The following RPL14 variants were observed in gnomAD, a reference collection of about 807,000 sequenced individuals.
RPL14 encodes large ribosomal subunit protein eL14.
RPL14 carries 4 observed loss-of-function variants against 25.3 expected under a neutral mutation model. The ratio of observed to expected loss-of-function variants is 0.16; its 90% CI spans 0.08 to 0.36. The LOEUF (loss-of-function observed/expected upper bound fraction) is 0.36. Ranked by LOEUF, RPL14 falls within the 10% of genes least tolerant of loss-of-function variation. The pLI, the probability that RPL14 is intolerant of heterozygous loss-of-function variation, is 1.00. For synonymous variants in RPL14, 75 were observed against 89.8 expected, an observed-to-expected ratio of 0.84 and a Z score of 0.93; for missense variants, 212 against 261.9, an observed-to-expected ratio of 0.81 and a Z score of 1.31.
intron 5 of RPL14, 31 bp from the exon 6 acceptor site, chr3:40,461,908 A>G (rs1346192716): frequency 1.9e-6 from 3 of 1,576,178 alleles, no homozygotes; most frequent in African/African-American, 1.4e-5. Flanking sequence ...TGTATACACA[A>G]TAAGTGCTTT....
In RPL14 at chr3:40,465,082, AAGG is replaced by A. The variant is rs1697009607; in HGVS notation, c.*2856_*2858del. 6.5e-6 allele frequency: 1 copy of A among 152,926 alleles called. No homozygotes were observed. Among genetic ancestry groups the A allele is most frequent in the African/African-American group, 2.4e-5 (1 of 41,450 alleles). 9.5% of individuals were successfully genotyped at this position (152,926 alleles called of 1,614,324 possible). A position where few individuals can be genotyped will look rare whatever the true frequency, so the allele number is the denominator to read the frequency against. On this transcript the variant is annotated 3_prime_UTR_variant, in exon 6 of 6. Coordinates refer to ENST00000396203, the MANE Select transcript of RPL14 (RefSeq NM_001034996.3). ...TTGGTAAGAGCTGTGATAATGACAC[AAGG>A]AGGAGAGGTTTCAGGACAGACTTGG...
At chr3:40,458,985 G>A in intron 3 of RPL14, 1 of 414,616 alleles carries the variant, frequency 2.4e-6, no homozygotes, top group Non-Finnish European at 4.4e-6. Context: ...GACCAGCATG[G>A]GCAACATGGC....
chr3:40,458,348 A>T (rs560526499), intron 2 of RPL14: 2 of 518,064 alleles, frequency 3.9e-6, no homozygotes, highest in South Asian at 4.9e-5. Flanking sequence ...CACTGACTAT[A>T]AATCAGCAGG....
At chr3:40,457,545 C>T (rs1046945531) in intron 1 of RPL14, 71 bp downstream of exon 1, 4 of 1,297,594 alleles carry the variant, frequency 3.1e-6, no homozygotes, top group South Asian at 2.5e-5. Context: ...CCGGACTCGC[C>T]GCTGGCGAGC....
At chr3:40,461,187 C>T (rs1696931266) in intron 3 of RPL14, among the ~76,000 whole-genome samples, 1 of 150,678 alleles carries the variant, frequency 6.6e-6, no homozygotes, top group Non-Finnish European at 1.5e-5. Context: ...CAAGCAAGAT[C>T]CTCTCTCAAA....
At position 40,468,512 on chromosome 3, in the gene RPL14, C is replaced by T. The variant is rs908158174; in HGVS notation, c.*6280C>T. The T allele has an allele frequency of 1.3e-5, 2 of 152,328 alleles. No individual in the cohort carries two copies. Among genetic ancestry groups the T allele is most frequent in the African/African-American group, 4.8e-5 (2 of 41,588 alleles). 9.4% of individuals were successfully genotyped at this position (152,328 alleles called of 1,614,324 possible). A position where few individuals can be genotyped will look rare whatever the true frequency, so the allele number is the denominator to read the frequency against. On this transcript the variant is annotated 3_prime_UTR_variant, in exon 6 of 6. Transcript: ENST00000396203. ...AGCCATTAGATAGCCATTAAGTCCA[C>T]TCATAGAGTTATTTTAAATGTTTTC...
chr3:40,457,627 C>T (rs913056070), intron 1 of RPL14, 153 bp downstream of exon 1: 8 of 694,150 alleles, frequency 1.2e-5, no homozygotes, highest in Non-Finnish European at 1.9e-5. Context: ...AGCTGGATGG[C>T]TGATGCGGCT....
Position 40,464,460 on chromosome 3 carries a change from TAAGAAG to T in RPL14, c.*2232_*2237del. The T allele has an allele frequency of 2.2e-6, 1 of 455,824 alleles. No homozygotes were observed. Among genetic ancestry groups the T allele is most frequent in the Non-Finnish European group, 4.4e-6 (1 of 226,766 alleles). The allele number at this position is 455,824 out of a possible 1,614,324, so 28.2% of individuals were successfully genotyped here. ...GAGAAAGTGGCATCTATACCTAAAA[TAAGAAG>T]AAGGTGGTGTAAGGGGAAGAATGAC... On this transcript the variant is annotated 3_prime_UTR_variant, in exon 6 of 6. Transcript: ENST00000396203.
At chr3:40,460,467 A>G in intron 3 of RPL14, among the ~76,000 whole-genome samples, 1 of 151,994 alleles carries the variant, frequency 6.6e-6, no homozygotes, top group East Asian at 1.9e-4. Context: ...ACAGTGAGCC[A>G]ACGTTGCGCC....
chr3:40,457,522 A>C (rs1208611974), intron 1 of RPL14, 48 bp downstream of exon 1: 1 of 1,422,890 alleles, frequency 7.0e-7, no homozygotes, highest in Non-Finnish European at 9.6e-7. Context: ...CCCTTCCCGG[A>C]CTCGCGCCCT....
chr3:40,466,312 G>A lies in RPL14; in HGVS notation c.*4080G>A, dbSNP rs1697026966. On this transcript the variant is annotated 3_prime_UTR_variant, in exon 6 of 6. Transcript: ENST00000396203. ...TATTGAAATATCCAGGTGCATAAAA[G>A]TCTACTTTGATTATGGAGAACTACA... 1 of 151,834 alleles carries A rather than the reference G, an allele frequency of 6.6e-6. No individual in the cohort carries two copies. Among genetic ancestry groups the A allele is most frequent in the Non-Finnish European group, 1.5e-5 (1 of 67,974 alleles). The allele number at this position is 151,834 out of a possible 1,614,324, so 9.4% of individuals were successfully genotyped here.
chr3:40,459,748 A>G (rs764934827), intron 3 of RPL14, among the ~76,000 whole-genome samples: 6 of 150,012 alleles, frequency 4.0e-5, no homozygotes, highest in African/African-American at 1.2e-4. Context: ...AGTCCCAGCT[A>G]CTTCAGAGGC....
chr3:40,461,483 A>C lies in RPL14; in HGVS notation c.277A>C (p.Lys93Gln), dbSNP rs1314630207. ...NTKWAATRWA[K>Q]KIEARERKAK... ...AAAATGGGCAGCCACACGATGGGCC[A>C]AGAAGATTGAAGCCAGAGAAAGGGT... Residue 93 changes from lysine (K) to glutamine (Q), a missense_variant, in exon 4 of 6, where the codon AAG becomes CAG. Lys to Gln is a moderately conservative substitution (Grantham distance 53). Around this residue, in one of 3 missense-constraint regions of RPL14, gnomAD observed 143 missense variants for 180.3 expected, o/e 0.79. Coordinates refer to ENST00000396203, the MANE Select transcript of RPL14 (RefSeq NM_001034996.3). 1.2e-6 allele frequency: 2 copies of C among 1,614,104 alleles called. No homozygotes were observed. Among genetic ancestry groups the C allele is most frequent in the Admixed American group, 3.3e-5 (2 of 60,022 alleles).
chr3:40,457,438 C>G lies in RPL14; in HGVS notation c.-34C>G. ...CTCCACCTCCGCTGGGAAGCTGAGGCGCCAAACGGCTCCCAGAGGGTCCCG... is the reference window on the plus strand; with the variant it reads ...CTCCACCTCCGCTGGGAAGCTGAGGGGCCAAACGGCTCCCAGAGGGTCCCG... On this transcript the variant is annotated 5_prime_UTR_variant, in exon 1 of 6. Coordinates refer to ENST00000396203, the MANE Select transcript of RPL14 (RefSeq NM_001034996.3). The G allele has an allele frequency of 6.3e-7, 1 of 1,581,196 alleles. No individual in the cohort carries two copies.
At chr3:40,459,894 G>A (rs1696909744) in intron 3 of RPL14, among the ~76,000 whole-genome samples, 1 of 145,956 alleles carries the variant, frequency 6.9e-6, no homozygotes, top group African/African-American at 2.6e-5. Context: ...ACTGTATGCT[G>A]AGCACTACAG....
chr3:40,460,541 A>T (rs1043157447), intron 3 of RPL14, among the ~76,000 whole-genome samples: 4 of 151,346 alleles, frequency 2.6e-5, no homozygotes, highest in African/African-American at 9.8e-5. Flanking sequence ...AAAAAAAAGA[A>T]TGGTTTTCAA....
At position 40,458,810 on chromosome 3, in the gene RPL14, A is replaced by G; in HGVS notation, c.200+74A>G. 17 of 1,123,864 alleles carry G rather than the reference A, an allele frequency of 1.5e-5. 2 individuals are homozygous for G. The South Asian group carries it at 2.2e-4, about 14-fold the overall frequency. The allele number at this position is 1,123,864 out of a possible 1,614,324, so 69.6% of individuals were successfully genotyped here. ...GCTAGTAAAAGTTTGTTTTGGAGTA[A>G]ACAATACGGAAGATTCAGAGCCATC... is the stretch of plus-strand genomic sequence containing the variant. On this transcript the variant is annotated intron_variant, in intron 3 of 5. Transcript: ENST00000396203.
intron 3 of RPL14, among the ~76,000 whole-genome samples, chr3:40,461,143 C>T (rs1348593956): frequency 6.6e-6 from 1 of 151,962 alleles, no homozygotes; most frequent in Non-Finnish European, 1.5e-5. Context: ...CTACAGTGAG[C>T]CATGATCATA....
Position 40,461,554 on chromosome 3 carries a change from G to A in RPL14, c.300+48G>A. The stretch of plus-strand genomic sequence containing the variant: ...ATTCTGGTCCTTTCTTTTTTTGGAG[G>A]GTTCAAGATAGTGTGAGAGGGATAA... On this transcript the variant is annotated intron_variant, in intron 4 of 5. Transcript: ENST00000396203. 1.9e-6 allele frequency: 3 copies of A among 1,604,812 alleles called. No homozygotes were observed. In the South Asian group the frequency reaches 3.3e-5, roughly 18 times the overall value.
Sources: gnomAD v4.1 joint callset for allele counts (sites outside exome capture counted in the v4.1 genomes callset) on GRCh38, gnomAD v4.1.1 for gene constraint, gnomAD v4.1.1 regional missense constraint, MANE v1.5 for transcripts, NCBI Gene and HGNC (gene_info 2026-07-23, HGNC 2026-07-21) for gene names.